ZFYVE26: variants seen among roughly 807,000 people sequenced by gnomAD.
The protein encoded by ZFYVE26 is zinc finger FYVE domain-containing protein 26.
ZFYVE26 carries 181 observed loss-of-function variants against 276.5 expected under a neutral mutation model. The ratio of observed to expected loss-of-function variants is 0.65; its 90% CI spans 0.58 to 0.74. The LOEUF is 0.74. ZFYVE26 is among the 30% of genes least tolerant of loss of function. ZFYVE26 has a pLI of 0.00. For missense variants in ZFYVE26, 2,821 were observed against 3,097.9 expected (o/e 0.91, Z 2.12); for synonymous variants, 1,129 against 1,203.1 (o/e 0.94, Z 1.27).
At position 67,797,876 on chromosome 14, in the gene ZFYVE26, G is replaced by T. The variant is rs984614296; in HGVS notation, c.2249-121C>A. On this transcript the variant is annotated intron_variant, in intron 11 of 41. Transcript: ENST00000347230. ...TCTGAGACATGGAGCATACCCCAGT[G>T]TTCTGACACTGGTTGCCATGGTGAC... The T allele has an allele frequency of 3.2e-6, 5 of 1,576,990 alleles. No individual in the cohort carries two copies. In the African/African-American group the frequency reaches 6.7e-5, roughly 21 times the overall value.
At chr14:67,797,886 T>G (rs1176523840) in intron 11 of ZFYVE26, 128 bp downstream of exon 11, 5 of 1,582,004 alleles carry the variant, frequency 3.2e-6, no homozygotes, top group Non-Finnish European at 3.5e-6. Context: ...GTTCTGACAC[T>G]GGTTGCCATG....
At chr14:67,797,648 A>T in intron 12 of ZFYVE26, 24 bp downstream of exon 12, 2 of 1,613,178 alleles carry the variant, frequency 1.2e-6, no homozygotes, top group Non-Finnish European at 1.7e-6. Flanking sequence ...TGCCTAGTGC[A>T]TGGGAATGAG....
rs368241137 is a variant in ZFYVE26, at chr14:67,781,450, C to G, written c.4452G>C (p.Arg1484Ser). Residue 1484 changes from arginine (R) to serine (S), a missense_variant, in exon 22 of 42, where the codon AGG becomes AGC. Arg to Ser is a moderately radical substitution (Grantham distance 110, BLOSUM62 -1). Transcript: ENST00000347230. ...RSRLALQFVD[R>S]WPLESCLEIL... ...TCTCCAGGCATGACTCCAGGGGCCACCTGTCCACAAACTGTAGGGCCAGCC... is the reference window on the plus strand; with the variant it reads ...TCTCCAGGCATGACTCCAGGGGCCAGCTGTCCACAAACTGTAGGGCCAGCC... 63 of 1,614,202 alleles carry G rather than the reference C, an allele frequency of 3.9e-5. No individual in the cohort carries two copies. The Middle Eastern group carries it at 8.2e-4, about 21-fold the overall frequency.
chr14:67,762,553 C>A, intron 33 of ZFYVE26, 119 bp downstream of exon 33: 1 of 1,567,464 alleles, frequency 6.4e-7, no homozygotes, highest in Non-Finnish European at 8.7e-7. Context: ...CTAGTCATGT[C>A]CCCGATTCTA....
intron 29 of ZFYVE26, 110 bp from the exon 30 acceptor site, chr14:67,768,658 C>T (rs2140202625): frequency 1.9e-6 from 2 of 1,035,822 alleles, no homozygotes; most frequent in South Asian, 1.3e-5. Flanking sequence ...ATGGAGGGCT[C>T]TTTGAGGGTA....
exon 14 of ZFYVE26, chr14:67,729,767 C>A: frequency 2.0e-6 from 1 of 503,454 alleles, no homozygotes; most frequent in Non-Finnish European, 3.9e-6. Flanking sequence ...AGGGGAACGT[C>A]CTCTCTCTTC....
intron 36 of ZFYVE26, among the ~76,000 whole-genome samples, chr14:67,755,733 G>A (rs1013772360): frequency 5.9e-5 from 9 of 152,050 alleles, no homozygotes; most frequent in African/African-American, 2.2e-4. Context: ...TCTGAAGAAT[G>A]CCTTTATTGA....
chr14:67,755,056 C>T lies in ZFYVE26; in HGVS notation c.6981G>A (p.Val2327=). The T allele has an allele frequency of 6.2e-7, 1 of 1,613,924 alleles. No homozygotes were observed. The highest frequency in any genetic ancestry group is 8.5e-7 in the Non-Finnish European group (1 of 1,180,022). The part of the protein sequence containing the change: ...FFRKKMTAAD[V]SRHMNTLQLQ... ...TCCCCTGAACCTCCAGCTACCTTGA[C>T]ACATCAGCTGCAGTCATCTTCTTTC... Residue 2327 remains valine, a synonymous_variant, in exon 37 of 42, where the codon GTG becomes GTA. Coordinates refer to ENST00000347230, the MANE Select transcript of ZFYVE26 (RefSeq NM_015346.4).
chr14:67,769,448 T>C, intron 29 of ZFYVE26, 146 bp downstream of exon 29: 5 of 1,240,726 alleles, frequency 4.0e-6, no homozygotes, highest in Non-Finnish European at 5.7e-6. Context: ...TACAAACCCT[T>C]CAGTGTAGAG....
Position 67,797,742 on chromosome 14 carries a change from G to T in ZFYVE26, c.2262C>A (p.Ser754=), listed in dbSNP as rs533956205. The change falls in exon 12 of 42, where the codon TCC becomes TCA. Residue 754 remains serine (S), a synonymous_variant. Transcript: ENST00000347230. ...TSNHRSEEQP[S]RRYQPATRHP... is the part of the protein sequence containing the mutation. ...GACGTGTGGCAGGCTGGTATCTTCG[G>T]GAAGGTTGCTCCTCTGAAAGAGCAA... 6.2e-7 allele frequency: 1 copy of T among 1,614,100 alleles called. No individual in the cohort carries two copies. Among genetic ancestry groups the T allele is most frequent in the South Asian group, 1.1e-5 (1 of 91,080 alleles).
At chr14:67,779,254 G>C (rs1413644410) in intron 23 of ZFYVE26, among the ~76,000 whole-genome samples, 1 of 152,146 alleles carries the variant, frequency 6.6e-6, no homozygotes, top group Admixed American at 6.6e-5. Context: ...ACAATGAAAA[G>C]TTGGACAATA....
intron 41 of ZFYVE26, among the ~76,000 whole-genome samples, chr14:67,749,922 T>C (rs1415335207): frequency 6.6e-6 from 1 of 152,202 alleles, no homozygotes; most frequent in African/African-American, 2.4e-5. Context: ...GAAGTTGTTT[T>C]TTGGCAAGCC....
At position 67,735,131 on chromosome 14, in the gene ZFYVE26, G is replaced by T; in HGVS notation, n.2680-5312C>A. 4 of 806,602 alleles carry T rather than the reference G, an allele frequency of 5.0e-6. No individual in the cohort carries two copies. In the East Asian group the frequency reaches 7.3e-5, roughly 15 times the overall value. 50.0% of individuals were successfully genotyped at this position (806,602 alleles called of 1,614,324 possible). A position where few individuals can be genotyped will look rare whatever the true frequency, so the allele number is the denominator to read the frequency against. ...CAAAAGAAAACAATGATAGGCATGG[G>T]TGTTGATTCGACATGTTGTTGGCAT... On this transcript the variant is annotated intron_variant and non_coding_transcript_variant, in intron 13 of 14. Coordinates refer to the ZFYVE26 transcript ENST00000394455.
intron 35 of ZFYVE26, among the ~76,000 whole-genome samples, chr14:67,760,181 C>T (rs1484324939): frequency 1.3e-5 from 2 of 152,094 alleles, no homozygotes; most frequent in African/African-American, 4.8e-5. Context: ...ATTTCCATTC[C>T]CAATTTGTGC....
chr14:67,802,441 T>C (rs1391497519), intron 9 of ZFYVE26, among the ~76,000 whole-genome samples, 159 bp from the exon 10 acceptor site: 3 of 152,226 alleles, frequency 2.0e-5, no homozygotes, highest in African/African-American at 4.8e-5. Context: ...TTCTAGGGCT[T>C]TTCCTCAAGT....
rs139482460 is a variant in ZFYVE26 at position 67,755,562 on chromosome 14, T to A, written c.6787-312A>T. On this transcript the variant is annotated intron_variant, in intron 36 of 41. Transcript: ENST00000347230. ...TTAAATAATTCAATTTAGTACTGAC[T>A]ATCCTCAGGCAGATTGGGAGGAACG... Among the ~76,000 whole-genome samples the A allele has an allele frequency of 2.1e-3, 322 of 152,380 alleles. 2 individuals are homozygous for A. Among genetic ancestry groups the A allele is most frequent in the African/African-American group, 7.4e-3 (307 of 41,594 alleles).
intron 10 of ZFYVE26, chr14:67,798,924 CT>C: frequency 9.5e-7 from 1 of 1,054,662 alleles, no homozygotes; most frequent in South Asian, 1.3e-5. Context: ...CTGAGCTCCG[CT>C]TGGCGCCTCT....
chr14:67,737,349 G>T (rs141726924), intron 13 of ZFYVE26, among the ~76,000 whole-genome samples: 2 of 152,042 alleles, frequency 1.3e-5, no homozygotes, highest in Admixed American at 6.6e-5. Context: ...CCACATGGCC[G>T]GGGAGGCCTC....
chr14:67,753,810 A>G (rs776495805), intron 38 of ZFYVE26, 44 bp from the exon 39 acceptor site: 1 of 1,601,496 alleles, frequency 6.2e-7, no homozygotes, highest in East Asian at 2.2e-5. Context: ...GGCAATTACT[A>G]GAGAATACTC....
Sources: allele counts gnomAD v4.1 joint callset (sites outside exome capture counted in the v4.1 genomes callset), GRCh38; gene constraint gnomAD v4.1.1; transcripts MANE v1.5; gene names NCBI Gene and HGNC (gene_info 2026-07-23, HGNC 2026-07-21).